The following ANKIB1 variants were observed in gnomAD, a reference collection of about 807,000 sequenced individuals.
The protein encoded by ANKIB1 is ankyrin repeat and IBR domain containing 1.
A neutral mutation model predicts 122.1 loss-of-function variants in ANKIB1; 43 were observed. The ratio of observed to expected loss-of-function variants is 0.35; its 90% CI spans 0.28 to 0.45. ANKIB1 has a LOEUF of 0.45. Ranked by LOEUF, ANKIB1 falls within the 20% of genes least tolerant of loss-of-function variation. The pLI, the probability that ANKIB1 is intolerant of heterozygous loss-of-function variation, is 1.00. For synonymous variants in ANKIB1, 390 were observed against 442.0 expected, an observed-to-expected ratio of 0.88 and a Z score of 1.48; for missense variants, 992 against 1,329.5, an observed-to-expected ratio of 0.75 and a Z score of 3.95.
At chr7:92,365,129 G>A (rs1165183901) in intron 10 of ANKIB1, among the ~76,000 whole-genome samples, 1 of 152,154 alleles carries the variant, frequency 6.6e-6, no homozygotes, top group East Asian at 1.9e-4. Flanking sequence ...TTAGAATACA[G>A]AAGTAAATGC....
At chr7:92,345,314 A>C (rs1220467092) in intron 7 of ANKIB1, among the ~76,000 whole-genome samples, 3 of 152,196 alleles carry the variant, frequency 2.0e-5, no homozygotes, top group Non-Finnish European at 2.9e-5. Flanking sequence ...CAGGTATACA[A>C]ATAATTTTTC....
At chr7:92,308,320 G>A (rs1049065180) in intron 3 of ANKIB1, among the ~76,000 whole-genome samples, 3 of 152,042 alleles carry the variant, frequency 2.0e-5, no homozygotes, top group Non-Finnish European at 4.4e-5. Flanking sequence ...AAGCACTATC[G>A]TATTTAGAGT....
At chr7:92,385,688 A>G (rs374234333) in intron 11 of ANKIB1, among the ~76,000 whole-genome samples, 7 of 152,306 alleles carry the variant, frequency 4.6e-5, no homozygotes, top group African/African-American at 1.7e-4. Context: ...CAATGAGAAC[A>G]CTTGGACACA....
intron 14 of ANKIB1, among the ~76,000 whole-genome samples, chr7:92,389,678 A>G (rs920667053): frequency 4.6e-5 from 7 of 152,136 alleles, no homozygotes; most frequent in East Asian, 1.9e-4. Flanking sequence ...TTGCTTACCA[A>G]TGGAGTGAGA....
chr7:92,277,537 T>C (rs1801929475), intron 1 of ANKIB1, among the ~76,000 whole-genome samples: 1 of 152,226 alleles, frequency 6.6e-6, no homozygotes, highest in Non-Finnish European at 1.5e-5. Context: ...TAATTCAGTT[T>C]GGTATTTGGC....
intron 3 of ANKIB1, 53 bp from the exon 4 acceptor site, chr7:92,319,277 A>G: frequency 8.9e-7 from 1 of 1,126,680 alleles, no homozygotes. Flanking sequence ...AAATAGCATG[A>G]AATAACTTAT....
At chr7:92,355,899 A>G (rs1457970312) in intron 9 of ANKIB1, among the ~76,000 whole-genome samples, 1 of 149,882 alleles carries the variant, frequency 6.7e-6, no homozygotes, top group Admixed American at 6.7e-5. Context: ...TAATAGTAAT[A>G]ATAAGGTAGA....
At chr7:92,352,779 G>A (rs1803694821) in intron 9 of ANKIB1, 137 bp downstream of exon 9, 4 of 909,356 alleles carry the variant, frequency 4.4e-6, no homozygotes, top group East Asian at 5.2e-5. Context: ...TGTGTAAGAA[G>A]TAGTAATAGT....
intron 1 of ANKIB1, among the ~76,000 whole-genome samples, chr7:92,272,377 A>T (rs1801814933): frequency 1.3e-5 from 2 of 152,218 alleles, no homozygotes; most frequent in Admixed American, 6.5e-5. Context: ...TAAGATAATT[A>T]CTTCAAAATT....
chr7:92,386,360 A>G, intron 11 of ANKIB1, 149 bp from the exon 12 acceptor site: 1 of 772,862 alleles, frequency 1.3e-6, no homozygotes, highest in Non-Finnish European at 1.9e-6. Context: ...TCCAGAGGAC[A>G]CATGAGAAAT....
At chr7:92,327,510 C>T (rs1274520084) in intron 4 of ANKIB1, among the ~76,000 whole-genome samples, 1 of 152,070 alleles carries the variant, frequency 6.6e-6, no homozygotes, top group Non-Finnish European at 1.5e-5. Flanking sequence ...TAAATCATCT[C>T]TAGGTTAGTT....
intron 1 of ANKIB1, among the ~76,000 whole-genome samples, chr7:92,258,372 G>T (rs920741478): frequency 6.6e-6 from 1 of 152,222 alleles, no homozygotes; most frequent in Non-Finnish European, 1.5e-5. Flanking sequence ...CAAAGTTAAT[G>T]TGTATCACAC....
chr7:92,350,420 T>C (rs1214115129), intron 7 of ANKIB1, among the ~76,000 whole-genome samples: 1 of 152,182 alleles, frequency 6.6e-6, no homozygotes. Flanking sequence ...ACATAAAATA[T>C]GAAACATACG....
At chr7:92,346,595 A>G (rs1057148591) in intron 7 of ANKIB1, among the ~76,000 whole-genome samples, 2 of 152,208 alleles carry the variant, frequency 1.3e-5, no homozygotes, top group Admixed American at 6.5e-5. Context: ...ATACTAATTG[A>G]CAAAGGTCAG....
intron 1 of ANKIB1, among the ~76,000 whole-genome samples, chr7:92,252,386 CTTTTTTT>C: frequency 7.5e-6 from 1 of 134,182 alleles, no homozygotes; most frequent in East Asian, 2.2e-4. Flanking sequence ...TAAGGTACTA[CTTTTTTT>C]TTTTTTTTTT....
At chr7:92,310,180 G>A (rs1196772479) in intron 3 of ANKIB1, among the ~76,000 whole-genome samples, 1 of 151,740 alleles carries the variant, frequency 6.6e-6, no homozygotes, top group Non-Finnish European at 1.5e-5. Flanking sequence ...TGATACGTAT[G>A]TGTGAGCATG....
chr7:92,294,815 G>C, intron 1 of ANKIB1, 74 bp from the exon 2 acceptor site: 1 of 522,724 alleles, frequency 1.9e-6, no homozygotes. Context: ...TTTTTTTAGT[G>C]TTCCTAATTG....
intron 8 of ANKIB1, among the ~76,000 whole-genome samples, chr7:92,351,720 GTT>G (rs1018424517): frequency 6.0e-5 from 7 of 116,648 alleles, no homozygotes; most frequent in Non-Finnish European, 9.0e-5. Flanking sequence ...TTTTTTTTTT[GTT>G]TTTTTTTTTT....
intron 3 of ANKIB1, among the ~76,000 whole-genome samples, chr7:92,318,046 A>G (rs1036958331): frequency 3.3e-5 from 5 of 152,176 alleles, no homozygotes; most frequent in African/African-American, 9.7e-5. Flanking sequence ...TCCCAGTTCT[A>G]CTGCTTACTA....
Sources: gnomAD v4.1 joint callset for allele counts (sites outside exome capture counted in the v4.1 genomes callset) on GRCh38, gnomAD v4.1.1 for gene constraint, MANE v1.5 for transcripts, NCBI Gene and HGNC (gene_info 2026-07-23, HGNC 2026-07-21) for gene names.